Variants in JAK2 observed in about 807,000 individuals in gnomAD.
JAK2 encodes the protein tyrosine-protein kinase JAK2.
Under a neutral mutation model 139.3 loss-of-function variants are expected in JAK2, and 86 were observed. The observed-to-expected ratio is 0.62, with a 90% CI of 0.52 to 0.74. The LOEUF (loss-of-function observed/expected upper bound fraction) is 0.74, where lower values mean the gene tolerates loss of function less well. Among genes scored for constraint, JAK2 ranks in the 30% least tolerant of loss-of-function variants. JAK2 has a pLI of 0.00. For synonymous variants in JAK2, 490 were observed against 437.7 expected, an observed-to-expected ratio of 1.12 and a Z score of -1.49; for missense variants, 1,421 against 1,360.3, an observed-to-expected ratio of 1.04 and a Z score of -0.70.
At chr9:5,010,228 T>C (rs1821602644) in intron 2 of JAK2, among the ~76,000 whole-genome samples, 1 of 152,204 alleles carries the variant, frequency 6.6e-6, no homozygotes, top group Admixed American at 6.5e-5. Flanking sequence ...AACTTTTAAT[T>C]TTACTCCTTT....
rs562104673 is a variant in JAK2, at chr9:5,029,502, T to G, written c.227-281T>G. ...AAATGGTGCTGACAGACTTACTAGA[T>G]TCACACTTGCTCTAAATCCTTATTT... On this transcript the variant is annotated intron_variant, in intron 3 of 24. Transcript: ENST00000381652. 2.6e-5 allele frequency among the ~76,000 whole-genome samples: 4 copies of G among 152,292 alleles called. No individual in the cohort carries two copies. In the South Asian group the frequency reaches 8.3e-4, roughly 32 times the overall value.
intron 4 of JAK2, among the ~76,000 whole-genome samples, chr9:5,036,543 A>C (rs1823615885): frequency 6.6e-6 from 1 of 150,580 alleles, no homozygotes; most frequent in Non-Finnish European, 1.5e-5. Flanking sequence ...AGACCAATGG[A>C]AAGAAATAAT....
chr9:5,075,471 A>G (rs1285459936), intron 14 of JAK2, among the ~76,000 whole-genome samples: 1 of 152,188 alleles, frequency 6.6e-6, no homozygotes, highest in African/African-American at 2.4e-5. Context: ...TTACCATTCC[A>G]AAAATCCCAG....
intron 4 of JAK2, among the ~76,000 whole-genome samples, chr9:5,043,308 G>T (rs1301781170): frequency 2.0e-5 from 3 of 151,734 alleles, no homozygotes; most frequent in Non-Finnish European, 4.4e-5. Flanking sequence ...CAACTTAGGG[G>T]CTTTAAAAAA....
In JAK2 at chr9:5,054,708, TA is replaced by T; in HGVS notation, c.761del (p.Tyr254PhefsTer3). 6.2e-7 allele frequency: 1 copy of T among 1,613,380 alleles called. No individual in the cohort carries two copies. The highest frequency in any genetic ancestry group is 8.5e-7 in the Non-Finnish European group (1 of 1,179,468). On this transcript the variant is annotated frameshift_variant, in exon 7 of 25. Transcript: ENST00000381652. LOFTEE classifies it high-confidence loss of function. This position sits in a 1 kb window ranked among gnomAD's most constrained non-coding sequence, Gnocchi z 4.9. ...CACTGCCAGAAACTTGAAACTTAAGTATCTTATAAATCTGGAAACTCTGCAG... is the reference window on the plus strand; with the variant it reads ...CACTGCCAGAAACTTGAAACTTAAGTTCTTATAAATCTGGAAACTCTGCAG... Reference protein sequence around the residue: ...KATARNLKLKYLINLETLQSA... With the variant: ...KATARNLKLKXLINLETLQSA...
intron 5 of JAK2, among the ~76,000 whole-genome samples, chr9:5,045,900 T>C (rs918452857): frequency 5.3e-5 from 8 of 152,198 alleles, no homozygotes; most frequent in African/African-American, 1.9e-4. Flanking sequence ...TTTCAATATA[T>C]ACCCAGAAAT....
intron 22 of JAK2, chr9:5,111,285 C>T: frequency 2.1e-6 from 1 of 480,704 alleles, no homozygotes; most frequent in Non-Finnish European, 4.0e-6. Context: ...GGCTGGCTTC[C>T]TGCCGGGCAA....
intron 2 of JAK2, among the ~76,000 whole-genome samples, chr9:4,998,016 A>C (rs1246412555): frequency 6.6e-6 from 1 of 152,210 alleles, no homozygotes; most frequent in Admixed American, 6.5e-5. Flanking sequence ...CAGTATTTTA[A>C]AAATCATTAT....
At chr9:4,994,138 A>C (rs1316748209) in intron 2 of JAK2, among the ~76,000 whole-genome samples, 1 of 152,190 alleles carries the variant, frequency 6.6e-6, no homozygotes, top group Non-Finnish European at 1.5e-5. Context: ...TTCAGTGTTT[A>C]ATAATCAGAG....
intron 2 of JAK2, among the ~76,000 whole-genome samples, chr9:4,998,753 C>A (rs1380761999): frequency 9.4e-5 from 14 of 149,528 alleles, no homozygotes; most frequent in Admixed American, 2.7e-4. Flanking sequence ...AAAAAAAAAA[C>A]AACAAAAAAC....
chr9:4,984,489 C>G (rs1488130063), upstream of JAK2: 1 of 152,294 alleles, frequency 6.6e-6, no homozygotes, highest in East Asian at 1.9e-4. Context: ...CGGCTGGGCG[C>G]TTCATCCCAC....
rs370926996 is a variant in JAK2, at chr9:5,044,399, G to C, written c.351-4G>C. ...GCTGACCAAATGTTTTTATTATCTT[G>C]TAGATTTTACTTTCCTCGTTGGTAT... On this transcript the variant is annotated splice_polypyrimidine_tract_variant and splice_region_variant and intron_variant, in intron 4 of 24. Coordinates refer to ENST00000381652, the MANE Select transcript of JAK2 (RefSeq NM_004972.4). 6.3e-7 allele frequency: 1 copy of C among 1,586,194 alleles called. No homozygotes were observed. Among genetic ancestry groups the C allele is most frequent in the Non-Finnish European group, 8.7e-7 (1 of 1,155,448 alleles).
At chr9:5,007,808 A>G (rs994098204) in intron 2 of JAK2, among the ~76,000 whole-genome samples, 10 of 151,706 alleles carry the variant, frequency 6.6e-5, no homozygotes, top group South Asian at 2.1e-4. Flanking sequence ...GCTCACTGCA[A>G]TCTCTGCCTC....
At chr9:5,043,217 G>A (rs1289570686) in intron 4 of JAK2, among the ~76,000 whole-genome samples, 1 of 152,214 alleles carries the variant, frequency 6.6e-6, no homozygotes, top group Non-Finnish European at 1.5e-5. Context: ...TGCCCAGGGC[G>A]GTGGCCGTGA....
At chr9:5,120,107 C>G (rs548780051) in intron 22 of JAK2, among the ~76,000 whole-genome samples, 1 of 152,334 alleles carries the variant, frequency 6.6e-6, no homozygotes, top group African/African-American at 2.4e-5. Flanking sequence ...CAGGTTCAGG[C>G]GTCTGGTGAG....
rs1198324644 is a variant in JAK2 at position 5,054,195 on chromosome 9, C to T, written c.615-368C>T. Among the ~76,000 whole-genome samples the T allele has an allele frequency of 2.6e-5, 4 of 151,946 alleles. No individual in the cohort carries two copies. Among genetic ancestry groups the T allele is most frequent in the African/African-American group, 4.8e-5 (2 of 41,406 alleles). On this transcript the variant is annotated intron_variant, in intron 6 of 24. Coordinates refer to ENST00000381652, the MANE Select transcript of JAK2 (RefSeq NM_004972.4). The surrounding 1 kb of genome is among the most constrained non-coding windows in gnomAD (Gnocchi z 4.9). The stretch of plus-strand genomic sequence containing the variant: ...AGCATCATAGGAAATATTTGTAGCA[C>T]AGTTCAATATATGCCAAAATATTAT...
chr9:4,985,495 G>A lies in JAK2; in HGVS notation c.-244G>A, dbSNP rs1357480605. Reference sequence around the variant, plus strand: ...GTGAGTGGGAGCTGAGCCCACACTGGAGGGCCCCCGAGGGCCCAGCCTGGA... The same window carrying A: ...GTGAGTGGGAGCTGAGCCCACACTGAAGGGCCCCCGAGGGCCCAGCCTGGA... On this transcript the variant is annotated 5_prime_UTR_variant, in exon 1 of 25. Coordinates refer to ENST00000381652, the MANE Select transcript of JAK2 (RefSeq NM_004972.4). 6.6e-6 allele frequency: 1 copy of A among 152,432 alleles called. No homozygotes were observed. The highest frequency in any genetic ancestry group is 1.5e-5 in the Non-Finnish European group (1 of 68,204). The allele number at this position is 152,432 out of a possible 1,614,324, so 9.4% of individuals were successfully genotyped here. A position where few individuals can be genotyped will look rare whatever the true frequency, so the allele number is the denominator to read the frequency against.
At chr9:5,069,819 A>G (rs1818827079) in intron 11 of JAK2, 106 bp from the exon 12 acceptor site, 11 of 555,668 alleles carry the variant, frequency 2.0e-5, no homozygotes, top group Non-Finnish European at 2.9e-5. Context: ...ATTAGGAGTT[A>G]TTAAGCATTT....
chr9:4,993,220 AC>A (rs1199475036), intron 2 of JAK2, among the ~76,000 whole-genome samples: 2 of 152,154 alleles, frequency 1.3e-5, no homozygotes, highest in Non-Finnish European at 2.9e-5. Context: ...CTGCTGTGGG[AC>A]AACACCCTTA....
Sources: allele counts gnomAD v4.1 joint callset (sites outside exome capture counted in the v4.1 genomes callset), GRCh38; gene constraint gnomAD v4.1.1; non-coding constraint Gnocchi (gnomAD v3.1); transcripts MANE v1.5; gene names NCBI Gene and HGNC (gene_info 2026-07-23, HGNC 2026-07-21).